ERP27: variants seen among roughly 807,000 people sequenced by gnomAD.
The protein encoded by ERP27 is endoplasmic reticulum resident protein 27.
Under a neutral mutation model 27.7 loss-of-function variants are expected in ERP27, and 23 were observed. The observed-to-expected ratio is 0.83, with a 90% confidence interval of 0.60 to 1.18. ERP27 has a LOEUF of 1.18. Ranked by LOEUF, ERP27 falls within the 50% of genes most tolerant of loss-of-function variation. ERP27 has a pLI of 0.00. For synonymous variants in ERP27, 159 were observed against 118.3 expected, an observed-to-expected ratio of 1.34 and a Z score of -2.23; for missense variants, 363 against 327.9, an observed-to-expected ratio of 1.11 and a Z score of -0.83.
rs199922508 is a variant in ERP27, at chr12:14,936,922, T to TG, written c.195+1029dup. On this transcript the variant is annotated intron_variant, in intron 2 of 6. Coordinates refer to ENST00000266397, the MANE Select transcript of ERP27 (RefSeq NM_152321.4). ...GAAACTAACATACCCGTCTTGCATC[T>TG]GGGGTCAAGCAGAGGGAGCTGGTAT... is the stretch of plus-strand genomic sequence containing the variant. 4.9e-4 allele frequency among the ~76,000 whole-genome samples: 75 copies of TG among 152,276 alleles called. No homozygotes were observed. The East Asian group carries it at 0.012, about 25-fold the overall frequency.
At chr12:14,921,718 C>A (rs1190073177) in intron 3 of ERP27, among the ~76,000 whole-genome samples, 1 of 152,242 alleles carries the variant, frequency 6.6e-6, no homozygotes, top group East Asian at 1.9e-4. Flanking sequence ...AGAACCACCA[C>A]CCAAGTCAAG....
intron 4 of ERP27, among the ~76,000 whole-genome samples, chr12:14,920,192 G>A (rs1863479367): frequency 1.3e-5 from 2 of 152,334 alleles, no homozygotes. Flanking sequence ...AGTGTTAGAA[G>A]TCCATTTGGT....
chr12:14,922,543 A>C (rs922318319), intron 3 of ERP27, among the ~76,000 whole-genome samples: 2 of 152,066 alleles, frequency 1.3e-5, no homozygotes, highest in African/African-American at 4.8e-5. Context: ...GTTCTATAAT[A>C]TATATATTTT....
intron 4 of ERP27, among the ~76,000 whole-genome samples, chr12:14,918,057 G>A (rs1034859808): frequency 7.9e-5 from 12 of 152,190 alleles, no homozygotes; most frequent in Non-Finnish European, 1.3e-4. Flanking sequence ...TTAGTAGTTC[G>A]TACTTATTGA....
At chr12:14,937,289 G>A (rs1203270455) in intron 2 of ERP27, among the ~76,000 whole-genome samples, 1 of 152,186 alleles carries the variant, frequency 6.6e-6, no homozygotes, top group Non-Finnish European at 1.5e-5. Context: ...GAGAGTAGGG[G>A]CTTGATCAGC....
At chr12:14,920,652 G>C (rs1308691666) in intron 4 of ERP27, among the ~76,000 whole-genome samples, 2 of 152,180 alleles carry the variant, frequency 1.3e-5, no homozygotes, top group African/African-American at 4.8e-5. Flanking sequence ...GATTACATTT[G>C]TGAGCCACTG....
intron 3 of ERP27, among the ~76,000 whole-genome samples, chr12:14,928,062 A>G (rs1003419798): frequency 1.3e-5 from 2 of 152,218 alleles, no homozygotes; most frequent in Admixed American, 1.3e-4. Flanking sequence ...CAGCTCCTGA[A>G]CAATTTTGTC....
intron 3 of ERP27, among the ~76,000 whole-genome samples, chr12:14,926,216 A>C (rs945310299): frequency 1.3e-5 from 2 of 152,238 alleles, no homozygotes; most frequent in African/African-American, 4.8e-5. Context: ...TGGCAAATTG[A>C]AACTGTCATT....
chr12:14,934,126 T>C (rs960744713), intron 3 of ERP27, among the ~76,000 whole-genome samples: 1 of 152,192 alleles, frequency 6.6e-6, no homozygotes, highest in East Asian at 1.9e-4. Context: ...TTTTCCCCAA[T>C]GTGTACCCTG....
At chr12:14,931,833 G>A (rs35051544) in intron 3 of ERP27, among the ~76,000 whole-genome samples, 3,879 of 152,218 alleles carry the variant, frequency 0.025, 72 homozygotes, top group Non-Finnish European at 0.041. Context: ...ACGAAAAACT[G>A]AGAAAGAAGT....
Position 14,934,963 on chromosome 12 carries a change from G to A in ERP27, c.226C>T (p.His76Tyr), listed in dbSNP as rs1863753543. 1 of 1,614,078 alleles carries A rather than the reference G, an allele frequency of 6.2e-7. No homozygotes were observed. The highest frequency in any genetic ancestry group is 1.1e-5 in the South Asian group (1 of 91,072). ...CCTGGGAATTTTTGCACCATGCTAT[G>A]GAGTATGGGCACTGCTGGTATTTCT... is the stretch of plus-strand genomic sequence containing the variant. ...DLEIPAVPIL[H>Y]SMVQKFPGVS... Residue 76 changes from histidine to tyrosine, a missense_variant, in exon 3 of 7, where the codon CAT becomes TAT. Coordinates refer to ENST00000266397, the MANE Select transcript of ERP27 (RefSeq NM_152321.4).
chr12:14,922,634 C>T (rs183448541), intron 3 of ERP27, among the ~76,000 whole-genome samples: 10 of 152,252 alleles, frequency 6.6e-5, no homozygotes, highest in Admixed American at 5.2e-4. Flanking sequence ...ATCTTTATCG[C>T]TAATGTGTAC....
At chr12:14,922,893 G>T (rs778197576) in intron 3 of ERP27, among the ~76,000 whole-genome samples, 1 of 152,056 alleles carries the variant, frequency 6.6e-6, no homozygotes, top group Non-Finnish European at 1.5e-5. Context: ...CGGCCAACAT[G>T]GTGAAACCCT....
intron 3 of ERP27, among the ~76,000 whole-genome samples, chr12:14,927,438 C>G (rs1438237872): frequency 6.6e-6 from 1 of 151,784 alleles, no homozygotes; most frequent in Non-Finnish European, 1.5e-5. Context: ...GAGGGCTTAT[C>G]TACTATGATT....
rs1169469564 is a variant in ERP27, at chr12:14,914,517, G to A, written c.*218C>T. 3.6e-5 allele frequency: 19 copies of A among 522,376 alleles called. No homozygotes were observed. The Admixed American group carries it at 7.0e-4, about 19-fold the overall frequency. 32.4% of individuals were successfully genotyped at this position (522,376 alleles called of 1,614,324 possible). A position where few individuals can be genotyped will look rare whatever the true frequency, so the allele number is the denominator to read the frequency against. On this transcript the variant is annotated 3_prime_UTR_variant, in exon 7 of 7. Transcript: ENST00000266397. Reference sequence around the variant, plus strand: ...AGTGAGGATATGAAATTTAAAAGAAGGAAGAAGAGAAAACGAGATTTTAAG... The same window carrying A: ...AGTGAGGATATGAAATTTAAAAGAAAGAAGAAGAGAAAACGAGATTTTAAG...
rs1436841960 is a variant in ERP27, at chr12:14,915,537, T to C, written c.726A>G (p.Val242=). 6 of 1,614,254 alleles carry C rather than the reference T, an allele frequency of 3.7e-6. No homozygotes were observed. Among genetic ancestry groups the C allele is most frequent in the Non-Finnish European group, 4.2e-6 (5 of 1,180,032 alleles). Residue 242 remains valine (V), a synonymous_variant, in exon 6 of 7, where the codon GTA becomes GTG. Transcript: ENST00000266397. ...CATCACAAAAGTTTTGCACATGCTC[T>C]ACGGAAACTTCTGCTGTGGGCAGTG... ...WDTLPTAEVS[V]EHVQNFCDGF...
intron 5 of ERP27, among the ~76,000 whole-genome samples, chr12:14,916,322 C>A (rs550348744): frequency 1.3e-5 from 2 of 152,152 alleles, no homozygotes; most frequent in East Asian, 3.9e-4. Flanking sequence ...GAGCAGAGAG[C>A]ACGTTTTAAA....
chr12:14,933,760 C>T (rs565645931), intron 3 of ERP27, among the ~76,000 whole-genome samples: 15 of 152,222 alleles, frequency 9.9e-5, no homozygotes, highest in African/African-American at 3.6e-4. Context: ...TCTTAGACAC[C>T]CTGGCTTTAA....
chr12:14,929,231 T>G, intron 3 of ERP27: 1 of 976,474 alleles, frequency 1.0e-6, no homozygotes, highest in Non-Finnish European at 1.4e-6. Context: ...GTTTCTGGAC[T>G]TAAAGAATGC....
Sources: gnomAD v4.1 joint callset for allele counts (sites outside exome capture counted in the v4.1 genomes callset) on GRCh38, gnomAD v4.1.1 for gene constraint, MANE v1.5 for transcripts, NCBI Gene and HGNC (gene_info 2026-07-23, HGNC 2026-07-21) for gene names.